EPHB4: variants seen among roughly 807,000 people sequenced by gnomAD.
The protein encoded by EPHB4 is EPH receptor B4, also known as ephrin type-B receptor 4.
A neutral mutation model predicts 110.6 loss-of-function variants in EPHB4; 50 were observed. That is an observed-to-expected ratio of 0.45 (90% CI 0.36 to 0.57). The LOEUF (loss-of-function observed/expected upper bound fraction) is 0.57, where lower values mean the gene tolerates loss of function less well. Among genes scored for constraint, EPHB4 ranks in the 20% least tolerant of loss-of-function variants. The pLI, the probability that EPHB4 is intolerant of heterozygous loss-of-function variation, is 0.00. For missense variants in EPHB4, 1,128 were observed against 1,382.1 expected, an observed-to-expected ratio of 0.82 and a Z score of 2.91; for synonymous variants, 592 against 578.4, an observed-to-expected ratio of 1.02 and a Z score of -0.34.
chr7:100,803,137 T>C lies in EPHB4; in HGVS notation c.*324A>G, dbSNP rs1812732930. Reference sequence around the variant, plus strand: ...GGCAAGGGAGTCACACTCTCTTTGGTCTGCGGGAACGCACCCATCAAGGTG... The same window carrying C: ...GGCAAGGGAGTCACACTCTCTTTGGCCTGCGGGAACGCACCCATCAAGGTG... On this transcript the variant is annotated 3_prime_UTR_variant, in exon 17 of 17. Transcript: ENST00000358173. 1 of 193,668 alleles carries C rather than the reference T, an allele frequency of 5.2e-6. No homozygotes were observed. The highest frequency in any genetic ancestry group is 1.0e-5 in the Non-Finnish European group (1 of 95,408). 12.0% of individuals were successfully genotyped at this position (193,668 alleles called of 1,614,324 possible). A position where few individuals can be genotyped will look rare whatever the true frequency, so the allele number is the denominator to read the frequency against.
At chr7:100,815,155 C>T (rs888111368) in intron 8 of EPHB4, among the ~76,000 whole-genome samples, 1 of 151,570 alleles carries the variant, frequency 6.6e-6, no homozygotes, top group African/African-American at 2.4e-5. Flanking sequence ...CCTGTCTTTA[C>T]AAAAAATACC....
In EPHB4 at chr7:100,826,961, C is replaced by CG. The variant is rs760689869; in HGVS notation, c.52+17_52+18insC. On this transcript the variant is annotated intron_variant, in intron 1 of 16. Coordinates refer to ENST00000358173, the MANE Select transcript of EPHB4 (RefSeq NM_004444.5). ...CCCAGGAGTGACGGGGTGCGCCCCC[C>CG]CCCGCAAGGAAACTCACCTTCCAAA... is the stretch of plus-strand genomic sequence containing the variant. The CG allele has an allele frequency of 2.0e-6, 3 of 1,528,714 alleles. No homozygotes were observed. The highest frequency in any genetic ancestry group is 1.9e-5 in the Admixed American group (1 of 51,548). The allele number at this position is 1,528,714 out of a possible 1,614,324, so 94.7% of individuals were successfully genotyped here. A position where few individuals can be genotyped will look rare whatever the true frequency, so the allele number is the denominator to read the frequency against.
rs2116474566 is a variant in EPHB4, at chr7:100,827,123, T to G, written c.-93A>C. ...TCCCTGGGCGGGTGGACGCCGATAC[T>G]CCGCGCGGGACTCCTCGTCGGGGCC... On this transcript the variant is annotated 5_prime_UTR_variant, in exon 1 of 17. Transcript: ENST00000358173. The G allele has an allele frequency of 7.2e-7, 1 of 1,385,610 alleles. No individual in the cohort carries two copies. The highest frequency in any genetic ancestry group is 1.3e-5 in the South Asian group (1 of 76,876). 85.8% of individuals were successfully genotyped at this position (1,385,610 alleles called of 1,614,324 possible).
intron 4 of EPHB4, chr7:100,820,558 A>C (rs1813199848): frequency 6.5e-6 from 2 of 307,880 alleles, no homozygotes; most frequent in South Asian, 1.8e-4. Flanking sequence ...TTCCTCTTAG[A>C]GGAGAAAGGA....
intron 6 of EPHB4, among the ~76,000 whole-genome samples, chr7:100,819,175 C>T (rs1813156739): frequency 6.6e-6 from 1 of 152,100 alleles, no homozygotes; most frequent in Non-Finnish European, 1.5e-5. Context: ...TGCAGCGGTG[C>T]GATCATAGCT....
rs1415692898 is a variant in EPHB4 at position 100,827,423 on chromosome 7, G to A, written c.-393C>T. 1 of 150,690 alleles carries A rather than the reference G, an allele frequency of 6.6e-6. No homozygotes were observed. Among genetic ancestry groups the A allele is most frequent in the African/African-American group, 2.4e-5 (1 of 41,262 alleles). 9.3% of individuals were successfully genotyped at this position (150,690 alleles called of 1,614,324 possible). A position where few individuals can be genotyped will look rare whatever the true frequency, so the allele number is the denominator to read the frequency against. On this transcript the variant is annotated 5_prime_UTR_variant, in exon 1 of 17. Transcript: ENST00000358173. ...GGGCCGAGTGCTCTCCTCGCGGGCGGGGATGGTGGGAGCCCGAGCGGGGAC... is the reference window on the plus strand; with the variant it reads ...GGGCCGAGTGCTCTCCTCGCGGGCGAGGATGGTGGGAGCCCGAGCGGGGAC...
chr7:100,803,363 G>A lies in EPHB4; in HGVS notation c.*98C>T. On this transcript the variant is annotated 3_prime_UTR_variant, in exon 17 of 17. Transcript: ENST00000358173. The stretch of plus-strand genomic sequence containing the variant: ...ACTCCTCACCCCACGGGCTCAAAGT[G>A]CAATCCAGCGGGGCACAGGGCTGGG... 1 of 1,324,364 alleles carries A rather than the reference G, an allele frequency of 7.6e-7. No individual in the cohort carries two copies. The highest frequency in any genetic ancestry group is 9.8e-7 in the Non-Finnish European group (1 of 1,016,862). The allele number at this position is 1,324,364 out of a possible 1,614,324, so 82.0% of individuals were successfully genotyped here.
rs1484526242 is a variant in EPHB4 at position 100,813,859 on chromosome 7, C to T, written c.1691+60G>A. ...AGCCAGAAAGGCTTGTCCTGTAGCA[C>T]CCAGGCAGGTGGCCATCAACTGAGG... On this transcript the variant is annotated intron_variant, in intron 9 of 16. Transcript: ENST00000358173. 1.4e-5 allele frequency: 22 copies of T among 1,607,620 alleles called. No homozygotes were observed. In the Admixed American group the frequency reaches 3.4e-4, roughly 25 times the overall value.
chr7:100,813,629 C>G (rs1812999405), intron 10 of EPHB4, 23 bp downstream of exon 10: 1 of 1,613,348 alleles, frequency 6.2e-7, no homozygotes, highest in Non-Finnish European at 8.5e-7. Flanking sequence ...AGCCCCTATT[C>G]CCATCAAATT....
At chr7:100,824,540 C>A in intron 1 of EPHB4, 1 of 472,298 alleles carries the variant, frequency 2.1e-6, no homozygotes, top group Non-Finnish European at 3.8e-6. Context: ...GGAGGGAGAT[C>A]AAAATGTACG....
intron 16 of EPHB4, among the ~76,000 whole-genome samples, chr7:100,804,866 G>C (rs1812780833): frequency 6.6e-6 from 1 of 152,176 alleles, no homozygotes; most frequent in Non-Finnish European, 1.5e-5. Context: ...GTGAGAGCCG[G>C]GCCTGGAATG....
chr7:100,826,545 G>C (rs1247298731), intron 1 of EPHB4, among the ~76,000 whole-genome samples: 1 of 152,074 alleles, frequency 6.6e-6, no homozygotes, highest in Admixed American at 6.5e-5. Flanking sequence ...TGGCGCTGGG[G>C]GTCGTTTTAG....
chr7:100,821,361 G>A (rs1813226663), intron 4 of EPHB4: 1 of 151,854 alleles, frequency 6.6e-6, no homozygotes, highest in Non-Finnish European at 1.5e-5. Context: ...CGGGTGTGGT[G>A]GCTCACACCT....
intron 4 of EPHB4, chr7:100,820,501 C>T: frequency 2.0e-6 from 1 of 493,946 alleles, no homozygotes; most frequent in East Asian, 3.6e-5. Context: ...TCTTTTAAGG[C>T]TGATGAAGTG....
Position 100,823,654 on chromosome 7 carries a change from G to T in EPHB4, c.401C>A (p.Pro134His). 1 of 1,612,364 alleles carries T rather than the reference G, an allele frequency of 6.2e-7. No individual in the cohort carries two copies. The highest frequency in any genetic ancestry group is 1.1e-5 in the South Asian group (1 of 91,060). Residue 134 changes from proline to histidine, a missense_variant, in exon 3 of 17, where the codon CCC becomes CAC. By Grantham distance (77) the Pro-to-His change is moderately conservative. Coordinates refer to ENST00000358173, the MANE Select transcript of EPHB4 (RefSeq NM_004444.5). ...GGGGCACCCAGGTACCTTGATGTAGGGGTTCTCCATCCAGGCTGGCGTGAG... is the reference window on the plus strand; with the variant it reads ...GGGGCACCCAGGTACCTTGATGTAGTGGTTCTCCATCCAGGCTGGCGTGAG... ...TALTPAWMENPYIKVDTVAAE... is the reference protein window; with the variant it reads ...TALTPAWMENHYIKVDTVAAE...
chr7:100,816,200 T>C (rs1332298723), intron 8 of EPHB4, among the ~76,000 whole-genome samples: 3 of 151,940 alleles, frequency 2.0e-5, no homozygotes, highest in Non-Finnish European at 2.9e-5. Flanking sequence ...AGAAAGCCAC[T>C]GGCCTAGCAT....
Position 100,804,580 on chromosome 7 carries a change from G to C in EPHB4, c.2834+586C>G, listed in dbSNP as rs188636521. 9.4e-4 allele frequency among the ~76,000 whole-genome samples: 143 copies of C among 152,222 alleles called. 3 individuals are homozygous for C. Among genetic ancestry groups the C allele is most frequent in the Admixed American group, 9.4e-3 (143 of 15,274 alleles). On this transcript the variant is annotated intron_variant, in intron 16 of 16. Coordinates refer to ENST00000358173, the MANE Select transcript of EPHB4 (RefSeq NM_004444.5). ...TCTGCCCACCTCGGCCTCCCAAAGT[G>C]CTGGCATTACAGGCATGAGCCACCA...
rs79021061 is a variant in EPHB4, at chr7:100,818,337, G to A, written c.1422+183C>T. Among the ~76,000 whole-genome samples the A allele has an allele frequency of 4.1e-3, 625 of 152,302 alleles. 6 individuals carry two copies. Among genetic ancestry groups the A allele is most frequent in the African/African-American group, 0.014 (592 of 41,568 alleles). On this transcript the variant is annotated intron_variant, in intron 7 of 16. Coordinates refer to ENST00000358173, the MANE Select transcript of EPHB4 (RefSeq NM_004444.5). ...TGTCCAGCTGCTGGTAACTATTACA[G>A]TAACTATTTTATAGATGAAGAGTCT...
chr7:100,809,347 T>C (rs1812881205), intron 12 of EPHB4, among the ~76,000 whole-genome samples: 1 of 152,056 alleles, frequency 6.6e-6, no homozygotes, highest in Non-Finnish European at 1.5e-5. Context: ...CCTCAAGTGA[T>C]CCACCTGCCC....
Sources: gnomAD v4.1 joint callset for allele counts (sites outside exome capture counted in the v4.1 genomes callset) on GRCh38, gnomAD v4.1.1 for gene constraint, MANE v1.5 for transcripts, NCBI Gene and HGNC (gene_info 2026-07-23, HGNC 2026-07-21) for gene names.